TEK: variants seen among roughly 807,000 people sequenced by gnomAD.
The protein encoded by TEK is angiopoietin-1 receptor.
TEK carries 43 observed loss-of-function variants against 131.8 expected under a neutral mutation model. The observed-to-expected ratio is 0.33, with a 90% CI of 0.26 to 0.42. The LOEUF (loss-of-function observed/expected upper bound fraction) is 0.42. Ranked by LOEUF, TEK falls within the 10% of genes least tolerant of loss-of-function variation. TEK has a pLI of 1.00. For missense variants in TEK, 1,162 were observed against 1,384.4 expected (o/e 0.84, Z 2.55); for synonymous variants, 580 against 491.6 (o/e 1.18, Z -2.38).
chr9:27,124,866 G>A (rs553082602), intron 1 of TEK, among the ~76,000 whole-genome samples: 3 of 152,152 alleles, frequency 2.0e-5, no homozygotes, highest in Non-Finnish European at 4.4e-5. Flanking sequence ...GTGCATATGA[G>A]GTCTATCCCA....
intron 1 of TEK, among the ~76,000 whole-genome samples, chr9:27,125,682 A>T (rs1251360672): frequency 6.6e-6 from 1 of 152,250 alleles, no homozygotes; most frequent in Non-Finnish European, 1.5e-5. Flanking sequence ...AATGAGGGTT[A>T]CATGATTTGA....
At chr9:27,168,687 T>C (rs966289036) in intron 3 of TEK, 82 bp downstream of exon 3, 2 of 1,086,562 alleles carry the variant, frequency 1.8e-6, no homozygotes, top group African/African-American at 1.6e-5. Flanking sequence ...TTTCCTATTG[T>C]GGTCTTGTGG....
intron 16 of TEK, among the ~76,000 whole-genome samples, chr9:27,210,875 T>G (rs1005816434): frequency 7.9e-5 from 12 of 152,210 alleles, no homozygotes; most frequent in Non-Finnish European, 1.8e-4. Flanking sequence ...TCCCAGCACT[T>G]TGGGAGGCCG....
Position 27,109,613 on chromosome 9 carries a change from T to G in TEK, c.23T>G (p.Val8Gly). The G allele has an allele frequency of 6.2e-7, 1 of 1,614,246 alleles. No individual in the cohort carries two copies. Among genetic ancestry groups the G allele is most frequent in the Non-Finnish European group, 8.5e-7 (1 of 1,180,040 alleles). The change falls in exon 1 of 23, where the codon GTT (valine) becomes GGT (glycine). Residue 8 changes from valine to glycine, a missense_variant. Val to Gly is a moderately radical substitution (Grantham distance 109). Coordinates refer to ENST00000380036, the MANE Select transcript of TEK (RefSeq NM_000459.5). ...AGCATGGACTCTTTAGCCAGCTTAG[T>G]TCTCTGTGGAGTCAGCTTGCTCCTT... is the stretch of plus-strand genomic sequence containing the variant. The part of the protein sequence containing the change: MDSLASL[V>G]LCGVSLLLSG...
chr9:27,158,409 A>T (rs1395303867), intron 2 of TEK, among the ~76,000 whole-genome samples: 1 of 152,162 alleles, frequency 6.6e-6, no homozygotes, highest in Non-Finnish European at 1.5e-5. Flanking sequence ...CATGGTACTT[A>T]TGGATAGTTG....
In TEK at chr9:27,109,701, C is replaced by G. The variant is rs887906853; in HGVS notation, c.52+59C>G. 4 of 1,564,838 alleles carry G rather than the reference C, an allele frequency of 2.6e-6. No homozygotes were observed. In the African/African-American group the frequency reaches 5.4e-5, roughly 21 times the overall value. On this transcript the variant is annotated intron_variant, in intron 1 of 22. Transcript: ENST00000380036. ...TTTTAAAAAACAGAGTTAGTGATTTCTGGGTGCTCTCCCCAAATCTCATCA... is the reference window on the plus strand; with the variant it reads ...TTTTAAAAAACAGAGTTAGTGATTTGTGGGTGCTCTCCCCAAATCTCATCA...
chr9:27,115,154 G>A (rs1441604818), intron 1 of TEK, among the ~76,000 whole-genome samples: 3 of 152,168 alleles, frequency 2.0e-5, no homozygotes, highest in Non-Finnish European at 4.4e-5. Flanking sequence ...TTCAAGGGCT[G>A]TAAAAGTTTT....
At chr9:27,152,310 T>C (rs664461) in intron 1 of TEK, among the ~76,000 whole-genome samples, 70,032 of 151,418 alleles carry the variant, frequency 0.46, 16,344 homozygotes, top group South Asian at 0.56. Flanking sequence ...AATAATTTAA[T>C]CTGCCTAAAA....
chr9:27,183,069 T>A (rs1290399396), intron 7 of TEK, among the ~76,000 whole-genome samples: 1 of 152,158 alleles, frequency 6.6e-6, no homozygotes, highest in Non-Finnish European at 1.5e-5. Flanking sequence ...AGTTTTTTGT[T>A]TGTTGTATTT....
chr9:27,173,735 T>TTG (rs1824054458), intron 6 of TEK, among the ~76,000 whole-genome samples: 1 of 108,090 alleles, frequency 9.3e-6, no homozygotes, highest in Admixed American at 1.2e-4. Flanking sequence ...TTTTTTTTTT[T>TTG]GGTTTTTTTT....
chr9:27,183,945 G>A (rs1824496586), intron 8 of TEK, among the ~76,000 whole-genome samples: 1 of 152,158 alleles, frequency 6.6e-6, no homozygotes, highest in Non-Finnish European at 1.5e-5. Flanking sequence ...CTCTCGCAGT[G>A]TCCCCATATC....
At chr9:27,182,746 A>G (rs980438961) in intron 7 of TEK, among the ~76,000 whole-genome samples, 5 of 152,230 alleles carry the variant, frequency 3.3e-5, no homozygotes, top group Admixed American at 2.0e-4. Context: ...AGGGTTATTC[A>G]TTCTCTACTG....
intron 1 of TEK, among the ~76,000 whole-genome samples, chr9:27,120,734 T>C (rs1821753852): frequency 1.3e-5 from 2 of 152,226 alleles, no homozygotes; most frequent in East Asian, 1.9e-4. Flanking sequence ...AAGTAAGATA[T>C]ACTCGACTGG....
intron 12 of TEK, among the ~76,000 whole-genome samples, chr9:27,199,635 G>T (rs528218312): frequency 2.0e-5 from 3 of 152,210 alleles, no homozygotes; most frequent in Admixed American, 6.5e-5. Flanking sequence ...ATCTTTTTAT[G>T]TTAATTGTCC....
At chr9:27,212,614 A>T (rs1825677435) in intron 16 of TEK, 93 bp from the exon 17 acceptor site, 1 of 1,393,786 alleles carries the variant, frequency 7.2e-7, no homozygotes, top group Admixed American at 1.8e-5. Context: ...TTTAGACAAA[A>T]TGGAGTTTAT....
chr9:27,114,514 T>A (rs1210058146), intron 1 of TEK, among the ~76,000 whole-genome samples: 1 of 151,714 alleles, frequency 6.6e-6, no homozygotes, highest in Non-Finnish European at 1.5e-5. Flanking sequence ...GAGGTTGCAG[T>A]GAGCCGAGAT....
chr9:27,226,416 T>G (rs1321402410), intron 21 of TEK, among the ~76,000 whole-genome samples: 6 of 152,122 alleles, frequency 3.9e-5, no homozygotes, highest in Non-Finnish European at 8.8e-5. Context: ...AAAGGATGAG[T>G]TCTTGTCCTT....
chr9:27,128,110 GT>G (rs1300124668), intron 1 of TEK, among the ~76,000 whole-genome samples: 1 of 152,162 alleles, frequency 6.6e-6, no homozygotes, highest in Non-Finnish European at 1.5e-5. Context: ...ATGGTTTTAG[GT>G]CTAACTTGTA....
chr9:27,163,015 C>T (rs1281576179), intron 2 of TEK, among the ~76,000 whole-genome samples: 2 of 152,184 alleles, frequency 1.3e-5, no homozygotes, highest in Admixed American at 1.3e-4. Context: ...CGCCCAGCCA[C>T]CACAATTATT....
Sources: allele counts gnomAD v4.1 joint callset (sites outside exome capture counted in the v4.1 genomes callset), GRCh38; gene constraint gnomAD v4.1.1; transcripts MANE v1.5; gene names NCBI Gene and HGNC (gene_info 2026-07-23, HGNC 2026-07-21).